SNTB1: variants seen among roughly 807,000 people sequenced by gnomAD.
The protein encoded by SNTB1 is syntrophin beta 1.
In SNTB1, 36 loss-of-function variants were observed where a neutral mutation model predicts 48.9. That is an observed-to-expected ratio of 0.74 (90% CI 0.56 to 0.97). The LOEUF (loss-of-function observed/expected upper bound fraction) is 0.97. SNTB1 is among the 50% of genes least tolerant of loss of function. SNTB1 has a pLI of 0.00. For synonymous variants in SNTB1, 299 were observed against 294.6 expected (o/e 1.01, Z -0.15); for missense variants, 786 against 703.4 (o/e 1.12, Z -1.33).
intron 1 of SNTB1, among the ~76,000 whole-genome samples, chr8:120,756,400 A>C (rs1663476404): frequency 6.6e-6 from 1 of 152,088 alleles, no homozygotes; most frequent in African/African-American, 2.4e-5. Context: ...GGTAGGATTT[A>C]GTTTGATGCA....
At chr8:120,711,304 A>C (rs1040287246) in intron 1 of SNTB1, among the ~76,000 whole-genome samples, 1 of 148,770 alleles carries the variant, frequency 6.7e-6, no homozygotes, top group Admixed American at 6.9e-5. Context: ...AACACCTTTA[A>C]ATATTACATA....
At chr8:120,680,494 C>T (rs7814101) in intron 2 of SNTB1, among the ~76,000 whole-genome samples, 20,651 of 152,162 alleles carry the variant, frequency 0.14, 2,503 homozygotes, top group African/African-American at 0.32. Flanking sequence ...TATATGTCCA[C>T]ACAGGTCTTG....
chr8:120,767,198 T>C (rs1250725241), intron 1 of SNTB1, among the ~76,000 whole-genome samples: 1 of 152,212 alleles, frequency 6.6e-6, no homozygotes, highest in Non-Finnish European at 1.5e-5. Context: ...TTTTTTGTCC[T>C]CTGTATTCTA....
At chr8:120,571,024 C>T in intron 4 of SNTB1, 1 of 332,088 alleles carries the variant, frequency 3.0e-6, no homozygotes, top group Non-Finnish European at 5.0e-6. Context: ...ATTTTTTTCA[C>T]CTCTTTATCC....
At chr8:120,680,950 AGAACCATGCTTGGT>A (rs1817920636) in intron 2 of SNTB1, among the ~76,000 whole-genome samples, 1 of 147,538 alleles carries the variant, frequency 6.8e-6, no homozygotes, top group Non-Finnish European at 1.5e-5. Flanking sequence ...ATGAAGTCAT[AGAACCATGCTTGGT>A]GAACCCTCTC....
intron 1 of SNTB1, among the ~76,000 whole-genome samples, chr8:120,777,454 C>T (rs960107756): frequency 2.0e-5 from 3 of 152,100 alleles, no homozygotes; most frequent in Non-Finnish European, 4.4e-5. Flanking sequence ...AAAAATCAGC[C>T]GCTAGATTTT....
At chr8:120,757,306 T>G (rs1366583970) in intron 1 of SNTB1, among the ~76,000 whole-genome samples, 1 of 152,068 alleles carries the variant, frequency 6.6e-6, no homozygotes. Context: ...AGCTGAGCAA[T>G]GATTAAGGGG....
intron 2 of SNTB1, among the ~76,000 whole-genome samples, chr8:120,650,630 A>T (rs547647551): frequency 6.6e-6 from 1 of 152,300 alleles, no homozygotes; most frequent in Admixed American, 6.5e-5. Context: ...CAACAAGGTC[A>T]TGGGGTGATT....
At chr8:120,589,511 T>A (rs983902858) in intron 3 of SNTB1, among the ~76,000 whole-genome samples, 1 of 152,216 alleles carries the variant, frequency 6.6e-6, no homozygotes, top group South Asian at 2.1e-4. Context: ...CTGGCTGCTA[T>A]AACAAATTAC....
At chr8:120,726,105 C>T (rs1818751385) in intron 1 of SNTB1, among the ~76,000 whole-genome samples, 1 of 152,192 alleles carries the variant, frequency 6.6e-6, no homozygotes, top group Non-Finnish European at 1.5e-5. Flanking sequence ...ATGTATTCAA[C>T]AGGAAATAAA....
At chr8:120,619,158 G>A (rs1816756959) in intron 3 of SNTB1, among the ~76,000 whole-genome samples, 1 of 152,024 alleles carries the variant, frequency 6.6e-6, no homozygotes, top group South Asian at 2.1e-4. Flanking sequence ...TTTATTGAAA[G>A]ATCATTTTTA....
intron 3 of SNTB1, among the ~76,000 whole-genome samples, chr8:120,579,789 C>T (rs1260276057): frequency 6.6e-6 from 1 of 152,114 alleles, no homozygotes; most frequent in African/African-American, 2.4e-5. Flanking sequence ...GTGGGTTCTT[C>T]CAAAGAAAAG....
chr8:120,809,262 C>T (rs1370274100), intron 1 of SNTB1, among the ~76,000 whole-genome samples: 1 of 152,192 alleles, frequency 6.6e-6, no homozygotes, highest in African/African-American at 2.4e-5. Context: ...TTTTGAAAAA[C>T]TTGGGCTGAG....
Position 120,607,219 on chromosome 8 carries a change from C to T in SNTB1, c.996+25225G>A, listed in dbSNP as rs904367110. On this transcript the variant is annotated intron_variant, in intron 3 of 6. Coordinates refer to ENST00000517992, the MANE Select transcript of SNTB1 (RefSeq NM_021021.4). ...AAATAAAATGAAGTACAAATTCACA[C>T]AAGGAAAAATTTAAAAATCTTACAG... 2.0e-5 allele frequency among the ~76,000 whole-genome samples: 3 copies of T among 152,020 alleles called. No individual in the cohort carries two copies. The East Asian group carries it at 5.8e-4, about 29-fold the overall frequency.
intron 3 of SNTB1, among the ~76,000 whole-genome samples, chr8:120,577,965 G>T (rs1815977289): frequency 6.6e-6 from 1 of 152,186 alleles, no homozygotes; most frequent in African/African-American, 2.4e-5. Flanking sequence ...AATGCTTAGA[G>T]GTAGAAGGCT....
intron 3 of SNTB1, among the ~76,000 whole-genome samples, chr8:120,590,680 C>CTTTTTTTT (rs201399849): frequency 3.1e-5 from 4 of 131,006 alleles, no homozygotes; most frequent in South Asian, 2.3e-4. Flanking sequence ...GTTTTCTTTT[C>CTTTTTTTT]TTTTCTTTTT....
chr8:120,783,771 G>A (rs972612464), intron 1 of SNTB1, among the ~76,000 whole-genome samples: 15 of 152,062 alleles, frequency 9.9e-5, no homozygotes, highest in African/African-American at 1.7e-4. Context: ...TTCTGCATCC[G>A]AGGATTCAAC....
intron 1 of SNTB1, among the ~76,000 whole-genome samples, chr8:120,764,366 G>A (rs1819479781): frequency 6.6e-6 from 1 of 152,058 alleles, no homozygotes; most frequent in Non-Finnish European, 1.5e-5. Context: ...GGTCTCATTT[G>A]CTTAAAAAAA....
At chr8:120,736,321 A>C (rs753267899) in intron 1 of SNTB1, among the ~76,000 whole-genome samples, 8 of 152,182 alleles carry the variant, frequency 5.3e-5, no homozygotes, top group Non-Finnish European at 8.8e-5. Flanking sequence ...CTGGTGAATC[A>C]TGGAAAATTG....
Sources: gnomAD v4.1 joint callset for allele counts (sites outside exome capture counted in the v4.1 genomes callset) on GRCh38, gnomAD v4.1.1 for gene constraint, MANE v1.5 for transcripts, NCBI Gene and HGNC (gene_info 2026-07-23, HGNC 2026-07-21) for gene names.